Variants in PLCH1 observed in about 807,000 individuals in gnomAD.
PLCH1 encodes the protein phospholipase C eta 1.
PLCH1 carries 60 observed loss-of-function variants against 126.7 expected under a neutral mutation model. The ratio of observed to expected loss-of-function variants is 0.47; its 90% confidence interval spans 0.38 to 0.59. The LOEUF is 0.59. Ranked by LOEUF, PLCH1 falls within the 20% of genes least tolerant of loss-of-function variation. The pLI, the probability that PLCH1 is intolerant of heterozygous loss-of-function variation, is 0.00. For missense variants in PLCH1, 1,723 were observed against 2,040.0 expected, an observed-to-expected ratio of 0.84 and a Z score of 2.99; for synonymous variants, 719 against 734.9, an observed-to-expected ratio of 0.98 and a Z score of 0.35.
intron 6 of PLCH1, among the ~76,000 whole-genome samples, chr3:155,574,497 G>C (rs528402685): frequency 1.3e-5 from 2 of 152,270 alleles, no homozygotes; most frequent in East Asian, 1.9e-4. Context: ...AATCAGACAA[G>C]TTTTAAAATT....
chr3:155,534,973 A>C (rs1168250900), intron 10 of PLCH1, among the ~76,000 whole-genome samples: 1 of 152,176 alleles, frequency 6.6e-6, no homozygotes, highest in Non-Finnish European at 1.5e-5. Flanking sequence ...TCTTTTTATA[A>C]TTTCTCTGTG....
At chr3:155,492,611 G>A (rs550071356) in intron 18 of PLCH1, 118 bp downstream of exon 18, 6 of 823,650 alleles carry the variant, frequency 7.3e-6, no homozygotes, top group Non-Finnish European at 1.1e-5. Context: ...CTGATAAGCT[G>A]AGGTCAGTGC....
intron 2 of PLCH1, among the ~76,000 whole-genome samples, chr3:155,616,937 T>G (rs2108755362): frequency 6.6e-6 from 1 of 152,298 alleles, no homozygotes; most frequent in East Asian, 1.9e-4. Flanking sequence ...TGTTAGATAT[T>G]AGTTCCCCTA....
At chr3:155,477,658 T>C (rs942124925), downstream of PLCH1, among the ~76,000 whole-genome samples, 11 of 152,088 alleles carry the variant, frequency 7.2e-5, no homozygotes, top group African/African-American at 1.9e-4. Context: ...CTCAACATCA[T>C]TGATCATCAG....
At chr3:155,655,457 A>C (rs1741250310) in intron 2 of PLCH1, among the ~76,000 whole-genome samples, 1 of 152,054 alleles carries the variant, frequency 6.6e-6, no homozygotes, top group East Asian at 1.9e-4. Flanking sequence ...AAGAAGAAGA[A>C]GAGAAAATAT....
intron 1 of PLCH1, among the ~76,000 whole-genome samples, chr3:155,739,780 G>T (rs1749479738): frequency 6.6e-6 from 1 of 152,162 alleles, no homozygotes; most frequent in Non-Finnish European, 1.5e-5. Context: ...TCTTAGGCAA[G>T]AAACTAACCT....
chr3:155,502,689 T>C (rs1295280248), intron 13 of PLCH1, among the ~76,000 whole-genome samples: 1 of 152,240 alleles, frequency 6.6e-6, no homozygotes, highest in Admixed American at 6.5e-5. Flanking sequence ...CATCTTTTCA[T>C]GGTTATCATA....
intron 13 of PLCH1, among the ~76,000 whole-genome samples, chr3:155,504,182 CCTAT>C (rs1421832410): frequency 6.6e-6 from 1 of 152,000 alleles, no homozygotes; most frequent in Non-Finnish European, 1.5e-5. Context: ...AATTAAGTTG[CCTAT>C]CTTTTTATTG....
At chr3:155,604,273 A>G (rs1685841973) in intron 2 of PLCH1, among the ~76,000 whole-genome samples, 1 of 152,226 alleles carries the variant, frequency 6.6e-6, no homozygotes, top group Non-Finnish European at 1.5e-5. Context: ...TTAAAGTCAA[A>G]TAATACAAGC....
At chr3:155,496,498 T>C (rs867874317) in intron 15 of PLCH1, among the ~76,000 whole-genome samples, 6 of 152,150 alleles carry the variant, frequency 3.9e-5, no homozygotes, top group Middle Eastern at 3.4e-3. Context: ...TAGAAAAAGA[T>C]ACATTTGTGG....
chr3:155,597,334 A>G (rs1355525723), intron 2 of PLCH1, among the ~76,000 whole-genome samples: 1 of 152,270 alleles, frequency 6.6e-6, no homozygotes, highest in Non-Finnish European at 1.5e-5. Context: ...TGGCTACTCT[A>G]AGATGTGACA....
intron 1 of PLCH1, among the ~76,000 whole-genome samples, chr3:155,735,743 T>C (rs891221677): frequency 2.6e-5 from 4 of 152,148 alleles, no homozygotes; most frequent in African/African-American, 9.7e-5. Context: ...GATTTACCCA[T>C]TCTGCAATGT....
At chr3:155,612,676 C>T (rs552667635) in intron 2 of PLCH1, among the ~76,000 whole-genome samples, 11 of 151,668 alleles carry the variant, frequency 7.3e-5, no homozygotes, top group Admixed American at 3.9e-4. Context: ...TTCGGGAGGC[C>T]GAGGCAGGCA....
chr3:155,495,553 A>G (rs1032931305), intron 15 of PLCH1, among the ~76,000 whole-genome samples: 4 of 152,196 alleles, frequency 2.6e-5, no homozygotes, highest in Admixed American at 2.0e-4. Context: ...CTGAGCCCAG[A>G]CAGAGAGATG....
intron 10 of PLCH1, among the ~76,000 whole-genome samples, chr3:155,530,402 C>T (rs935917735): frequency 6.6e-6 from 1 of 151,474 alleles, no homozygotes. Flanking sequence ...CTGCAAGCTC[C>T]GCCTCCCGGG....
At chr3:155,487,533 G>A (rs1277743606) in intron 21 of PLCH1, among the ~76,000 whole-genome samples, 1 of 152,102 alleles carries the variant, frequency 6.6e-6, no homozygotes, top group Non-Finnish European at 1.5e-5. Context: ...CAGTCCTATA[G>A]GTAGCTTTAA....
chr3:155,454,451 C>G (rs1423343404), intron 21 of PLCH1, among the ~76,000 whole-genome samples: 2 of 151,906 alleles, frequency 1.3e-5, no homozygotes, highest in Non-Finnish European at 2.9e-5. Context: ...CCACTCCACT[C>G]CAACCTGAGT....
chr3:155,514,767 G>A lies in PLCH1; in HGVS notation c.1588C>T (p.Leu530=). ...EDPDSFTVRA[L]LKATHEGLNA... is the part of the protein sequence containing the mutation. ...AAGCCTTCATGCGTGGCCTTCAGTAGTGCCCGCACTGTGAAACTATCAGGA... is the reference window on the plus strand; with the variant it reads ...AAGCCTTCATGCGTGGCCTTCAGTAATGCCCGCACTGTGAAACTATCAGGA... The change falls in exon 12 of 23, where the codon CTA becomes TTA. Residue 530 remains leucine, a synonymous_variant. Transcript: ENST00000460012. 2.5e-6 allele frequency: 4 copies of A among 1,612,196 alleles called. No homozygotes were observed. The highest frequency in any genetic ancestry group is 3.4e-6 in the Non-Finnish European group (4 of 1,178,790).
chr3:155,500,541 A>G (rs1350994453), intron 14 of PLCH1, among the ~76,000 whole-genome samples, 162 bp downstream of exon 14: 2 of 152,236 alleles, frequency 1.3e-5, no homozygotes, highest in African/African-American at 4.8e-5. Context: ...AGTTCCCTAC[A>G]TAAATTATCA....
Sources: gnomAD v4.1 joint callset for allele counts (sites outside exome capture counted in the v4.1 genomes callset) on GRCh38, gnomAD v4.1.1 for gene constraint, MANE v1.5 for transcripts, NCBI Gene and HGNC (gene_info 2026-07-23, HGNC 2026-07-21) for gene names.